TNXB: variants seen among roughly 807,000 people sequenced by gnomAD.
TNXB encodes tenascin XB, also known as tenascin-X.
TNXB carries 183 observed loss-of-function variants against 340.5 expected under a neutral mutation model. The ratio of observed to expected loss-of-function variants is 0.54; its 90% CI spans 0.48 to 0.61. The LOEUF is 0.61. TNXB is among the 20% of genes least tolerant of loss of function. The probability of loss-of-function intolerance (pLI) is 0.00; values close to 1 mark genes in which losing one functional copy is unlikely to be tolerated. For missense variants in TNXB, 4,613 were observed against 5,446.4 expected (o/e 0.85, Z 4.82); for synonymous variants, 2,121 against 2,314.5 (o/e 0.92, Z 2.40).
At position 32,049,974 on chromosome 6, in the gene TNXB, C is replaced by T. The variant is rs1225965451; in HGVS notation, c.9439+24G>A. ...AGGTGGCCCTCCCACAGCTCCCACC[C>T]TGGGGCTCCCATCATTCACTCACCC... is the stretch of plus-strand genomic sequence containing the variant. On this transcript the variant is annotated intron_variant, in intron 27 of 43. Coordinates refer to ENST00000644971, the MANE Select transcript of TNXB (RefSeq NM_001365276.2). This position sits in a 1 kb window ranked among gnomAD's most constrained non-coding sequence, Gnocchi z 4.5. 1 of 1,612,390 alleles carries T rather than the reference C, an allele frequency of 6.2e-7. No individual in the cohort carries two copies. The highest frequency in any genetic ancestry group is 2.2e-5 in the East Asian group (1 of 44,854).
At position 32,062,375 on chromosome 6, in the gene TNXB, T is replaced by G; in HGVS notation, c.6950A>C (p.Asp2317Ala). 6.2e-7 allele frequency: 1 copy of G among 1,612,872 alleles called. No individual in the cohort carries two copies. The highest frequency in any genetic ancestry group is 1.1e-5 in the South Asian group (1 of 91,058). The change falls in exon 20 of 44, where the codon GAC (aspartate) becomes GCC (alanine). Residue 2317 changes from aspartate to alanine, a missense_variant. By Grantham distance (126) the Asp-to-Ala change is moderately radical (BLOSUM62 -2). Around this residue, in one of 7 missense-constraint regions of TNXB, gnomAD observed 4,327 missense variants for 4,859.4 expected, o/e 0.89. Coordinates refer to ENST00000644971, the MANE Select transcript of TNXB (RefSeq NM_001365276.2). This position sits in a 1 kb window ranked among gnomAD's most constrained non-coding sequence, Gnocchi z 4.3. The stretch of plus-strand genomic sequence containing the variant: ...AACCGTCCAGGACAGGCTGAGGGAG[T>G]CAGGGGTCGCATCTGTCACGGTCAG... ...EELTVTDATP[D>A]SLSLSWTVPE...
chr6:32,105,107 C>T (rs1384703158), intron 1 of TNXB, among the ~76,000 whole-genome samples: 2 of 152,090 alleles, frequency 1.3e-5, no homozygotes, highest in African/African-American at 4.8e-5. Flanking sequence ...CATAACATTT[C>T]CCTCCCTCCC....
Position 32,098,066 on chromosome 6 carries a change from C to T in TNXB, c.133G>A (p.Gly45Ser). ...CCCACTCCAGCCCCCACTGTGTGGC[C>T]CCCTGGCTGGGGAGGGGGCCGGGGG... Reference protein sequence around the residue: ...PAPRPPPQPGGHTVGAGVGSP... With the variant: ...PAPRPPPQPGSHTVGAGVGSP... The change falls in exon 2 of 44, where the codon GGC (glycine) becomes AGC (serine). Residue 45 changes from glycine (G) to serine (S), a missense_variant. Around this residue, in one of 7 missense-constraint regions of TNXB, gnomAD observed 4,327 missense variants for 4,859.4 expected, o/e 0.89. Coordinates refer to ENST00000644971, the MANE Select transcript of TNXB (RefSeq NM_001365276.2). The T allele has an allele frequency of 6.2e-7, 1 of 1,606,418 alleles. No homozygotes were observed. The highest frequency in any genetic ancestry group is 1.1e-5 in the South Asian group (1 of 89,484).
In TNXB at chr6:32,048,551, T is replaced by G. The variant is rs1441976107; in HGVS notation, c.9857A>C (p.Gln3286Pro). Residue 3286 changes from glutamine (Q) to proline (P), a missense_variant, in exon 29 of 44, where the codon CAG becomes CCG. Gln to Pro is a moderately conservative substitution (Grantham distance 76). Around this residue, in one of 7 missense-constraint regions of TNXB, gnomAD observed 4,327 missense variants for 4,859.4 expected, o/e 0.89. Transcript: ENST00000644971. ...DSVGLSWTVA[Q>P]GPFDSFLVQY... ...TACCAGGAAGGAGTCAAAGGGGCCC[T>G]GGGCCACCGTCCATGAGAGGCCCAC... is the stretch of plus-strand genomic sequence containing the variant. 6.3e-7 allele frequency: 1 copy of G among 1,587,538 alleles called. No individual in the cohort carries two copies. Among genetic ancestry groups the G allele is most frequent in the South Asian group, 1.1e-5 (1 of 87,398 alleles).
In TNXB at chr6:32,053,692, C is replaced by T. The variant is rs777977804; in HGVS notation, c.8487G>A (p.Glu2829=). The T allele has an allele frequency of 3.0e-5, 48 of 1,612,490 alleles. 1 individual carries two copies. In the South Asian group the frequency reaches 4.6e-4, roughly 15 times the overall value. ...VGVTAPEDEA[E]TTQAVPTTTP... ...TTGTGGTGGGCACTGCTTGGGTGGT[C>T]TCTGCTTCATCCTCTGGAGCTGGAC... Residue 2829 remains glutamate (E), a synonymous_variant, in exon 25 of 44, where the codon GAG becomes GAA. Coordinates refer to ENST00000644971, the MANE Select transcript of TNXB (RefSeq NM_001365276.2).
In TNXB at chr6:32,062,565, C is replaced by T. The variant is rs1778098267; in HGVS notation, c.6842-82G>A. ...GACTCTGGGATTCTCTTAGACACAC[C>T]AAGGGCCCACAGTCTGGATGCTGGT... On this transcript the variant is annotated intron_variant, in intron 19 of 43. Coordinates refer to ENST00000644971, the MANE Select transcript of TNXB (RefSeq NM_001365276.2). The surrounding 1 kb of genome is among the most constrained non-coding windows in gnomAD (Gnocchi z 4.3). The T allele has an allele frequency of 1.5e-6, 2 of 1,316,914 alleles. No individual in the cohort carries two copies. Among genetic ancestry groups the T allele is most frequent in the Non-Finnish European group, 2.1e-6 (2 of 973,812 alleles). 81.6% of individuals were successfully genotyped at this position (1,316,914 alleles called of 1,614,324 possible).
Position 32,082,395 on chromosome 6 carries a change from T to TCCC in TNXB, c.3446-70_3446-69insGGG, listed in dbSNP as rs1562854070. On this transcript the variant is annotated intron_variant, in intron 8 of 43. Coordinates refer to ENST00000644971, the MANE Select transcript of TNXB (RefSeq NM_001365276.2). This position sits in a 1 kb window ranked among gnomAD's most constrained non-coding sequence, Gnocchi z 5.0. ...GAGAATGGGGAAGCCAAATCCCACA[T>TCCC]AGGAATGCTGTGTGAGGCTGTGCAG... 6 of 1,443,170 alleles carry TCCC rather than the reference T, an allele frequency of 4.2e-6. No individual in the cohort carries two copies. In the African/African-American group the frequency reaches 4.2e-5, roughly 10 times the overall value. The allele number at this position is 1,443,170 out of a possible 1,614,324, so 89.4% of individuals were successfully genotyped here. A position where few individuals can be genotyped will look rare whatever the true frequency, so the allele number is the denominator to read the frequency against.
At position 32,058,132 on chromosome 6, in the gene TNXB, C is replaced by T. The variant is rs747625465; in HGVS notation, c.7751G>A (p.Arg2584His). 32 of 1,612,582 alleles carry T rather than the reference C, an allele frequency of 2.0e-5. No individual in the cohort carries two copies. Among genetic ancestry groups the T allele is most frequent in the South Asian group, 6.6e-5 (6 of 91,064 alleles). Reference sequence around the variant, plus strand: ...GCCGTACAGGTGCATCTTGTACTTGCGCCCAGGCTCCAGGCCCCTCACAGT... The same window carrying T: ...GCCGTACAGGTGCATCTTGTACTTGTGCCCAGGCTCCAGGCCCCTCACAGT... Reference protein sequence around the residue: ...KVTVRGLEPGRKYKMHLYGLH... With the variant: ...KVTVRGLEPGHKYKMHLYGLH... Residue 2584 changes from arginine to histidine, a missense_variant, in exon 22 of 44, where the codon CGC becomes CAC. Physicochemically the swap from Arg to His is conservative, Grantham distance 29. Coordinates refer to ENST00000644971, the MANE Select transcript of TNXB (RefSeq NM_001365276.2). This position sits in a 1 kb window ranked among gnomAD's most constrained non-coding sequence, Gnocchi z 5.1.
In TNXB at chr6:32,108,574, G is replaced by C. The variant is rs1781091290; in HGVS notation, c.-9+607C>G. Among the ~76,000 whole-genome samples, 2 of 152,070 alleles carry C rather than the reference G, an allele frequency of 1.3e-5. No homozygotes were observed. Among genetic ancestry groups the C allele is most frequent in the African/African-American group, 2.4e-5 (1 of 41,384 alleles). On this transcript the variant is annotated intron_variant, in intron 1 of 43. Coordinates refer to ENST00000644971, the MANE Select transcript of TNXB (RefSeq NM_001365276.2). This position sits in a 1 kb window ranked among gnomAD's most constrained non-coding sequence, Gnocchi z 4.8. ...GGCTCTGTGCACGTCCCAGACCCGA[G>C]TCCTGACTGTCCCATTTCAGTATTT... is the stretch of plus-strand genomic sequence containing the variant.
chr6:32,081,484 C>G lies in TNXB; in HGVS notation c.3926G>C (p.Gly1309Ala). The G allele has an allele frequency of 6.2e-7, 1 of 1,604,816 alleles. No individual in the cohort carries two copies. The highest frequency in any genetic ancestry group is 8.5e-7 in the Non-Finnish European group (1 of 1,175,800). Residue 1309 changes from glycine to alanine, a missense_variant, in exon 10 of 44, where the codon GGG (glycine) becomes GCG (alanine). This residue lies in a region of TNXB where 4,327 missense variants were observed against 4,859.4 expected (regional missense o/e 0.89). Coordinates refer to ENST00000644971, the MANE Select transcript of TNXB (RefSeq NM_001365276.2). The surrounding 1 kb of genome is among the most constrained non-coding windows in gnomAD (Gnocchi z 5.1). The stretch of plus-strand genomic sequence containing the variant: ...GGGGACAGTAACCTCATTCTCATCC[C>G]CCGCAACAGGCACTGCCTGGGGCTG... The part of the protein sequence containing the change: ...QGQPQAVPVA[G>A]DENEVTVPGL...
rs775661639 is a variant in TNXB at position 32,090,096 on chromosome 6, C to G, written c.2359-717G>C. ...GGTTGTAGGCTCCTCAAAACAAGAA[C>G]CACCTGCTCAAAGTTCCACAAATAT... On this transcript the variant is annotated intron_variant, in intron 4 of 43. Transcript: ENST00000644971. This position sits in a 1 kb window ranked among gnomAD's most constrained non-coding sequence, Gnocchi z 4.3. Among the ~76,000 whole-genome samples the G allele has an allele frequency of 6.6e-6, 1 of 152,198 alleles. No individual in the cohort carries two copies. Among genetic ancestry groups the G allele is most frequent in the Non-Finnish European group, 1.5e-5 (1 of 68,040 alleles).
chr6:32,047,420 G>A lies in TNXB; in HGVS notation c.10324+314C>T, dbSNP rs1776962676. On this transcript the variant is annotated intron_variant, in intron 30 of 43. Transcript: ENST00000644971. This position sits in a 1 kb window ranked among gnomAD's most constrained non-coding sequence, Gnocchi z 6.2. ...CAGCGCCATTCCCAGCATTATGCAG[G>A]TGAGGACACTGAGGTCCCGGGGATG... Among the ~76,000 whole-genome samples, 1 of 152,232 alleles carries A rather than the reference G, an allele frequency of 6.6e-6. No individual in the cohort carries two copies. The highest frequency in any genetic ancestry group is 1.5e-5 in the Non-Finnish European group (1 of 68,046).
chr6:32,095,842 C>T lies in TNXB; in HGVS notation c.2011G>A (p.Val671Met), dbSNP rs1277196845. The stretch of plus-strand genomic sequence containing the variant: ...CCGCAGTCCTCACCGCCATAGCCCA[C>T]GTGGCACAGGCACACTCCTTGCACA... ...RCVQGVCLCH[V>M]GYGGEDCGQE... Residue 671 changes from valine to methionine, a missense_variant, in exon 3 of 44, where the codon GTG becomes ATG. By Grantham distance (21) the Val-to-Met change is conservative. Coordinates refer to ENST00000644971, the MANE Select transcript of TNXB (RefSeq NM_001365276.2). The T allele has an allele frequency of 6.2e-7, 1 of 1,612,512 alleles. No individual in the cohort carries two copies.
Position 32,097,463 on chromosome 6 carries a change from G to C in TNXB, c.404-14C>G, listed in dbSNP as rs1780480219. On this transcript the variant is annotated splice_polypyrimidine_tract_variant and intron_variant, in intron 2 of 43. Transcript: ENST00000644971. The surrounding 1 kb of genome is among the most constrained non-coding windows in gnomAD (Gnocchi z 5.9). ...CATCTGTCTGACCTGGAGTAGGAGGGGAGAGGCAAGTCTCAGTCTCTCTCC... is the reference window on the plus strand; with the variant it reads ...CATCTGTCTGACCTGGAGTAGGAGGCGAGAGGCAAGTCTCAGTCTCTCTCC... The C allele has an allele frequency of 1.3e-6, 2 of 1,579,416 alleles. No homozygotes were observed. Among genetic ancestry groups the C allele is most frequent in the Non-Finnish European group, 1.7e-6 (2 of 1,165,630 alleles).
Position 32,043,560 on chromosome 6 carries a change from G to A in TNXB, c.11531-4C>T. ...AACTGTGTGGGACCGTCAGGAACTG[G>A]GGGAAGGGGAGGGGCTCAGAAGGGT... On this transcript the variant is annotated splice_region_variant and splice_polypyrimidine_tract_variant and intron_variant, in intron 35 of 43. Coordinates refer to ENST00000644971, the MANE Select transcript of TNXB (RefSeq NM_001365276.2). The A allele has an allele frequency of 9.5e-7, 1 of 1,047,850 alleles. No individual in the cohort carries two copies. The highest frequency in any genetic ancestry group is 1.4e-6 in the Non-Finnish European group (1 of 699,302). The allele number at this position is 1,047,850 out of a possible 1,614,324, so 64.9% of individuals were successfully genotyped here.
chr6:32,081,756 G>C lies in TNXB; in HGVS notation c.3737-83C>G. On this transcript the variant is annotated intron_variant, in intron 9 of 43. Transcript: ENST00000644971. The surrounding 1 kb of genome is among the most constrained non-coding windows in gnomAD (Gnocchi z 5.1). ...GGTTTCGACGGGATGTCACACCTATGGGGGGTGGGGGGTCACTAGTCCATT... is the reference window on the plus strand; with the variant it reads ...GGTTTCGACGGGATGTCACACCTATCGGGGGTGGGGGGTCACTAGTCCATT... The C allele has an allele frequency of 1.2e-6, 1 of 829,482 alleles. No individual in the cohort carries two copies. The highest frequency in any genetic ancestry group is 2.6e-5 in the Admixed American group (1 of 39,012). 51.4% of individuals were successfully genotyped at this position (829,482 alleles called of 1,614,324 possible). A position where few individuals can be genotyped will look rare whatever the true frequency, so the allele number is the denominator to read the frequency against.
At chr6:32,071,777 G>C (rs560058821) in intron 13 of TNXB, among the ~76,000 whole-genome samples, 4 of 152,232 alleles carry the variant, frequency 2.6e-5, no homozygotes, top group Middle Eastern at 3.4e-3. Flanking sequence ...GTAGAGACAG[G>C]GTTTTGCCAT....
In TNXB at chr6:32,087,293, C is replaced by T. The variant is rs779245662; in HGVS notation, c.2780-1175G>A. ...GCGTAGGACTTGGAGGTCTGCCCCGCCCGCACCCCGTGGACCTCCACGTGG... is the reference window on the plus strand; with the variant it reads ...GCGTAGGACTTGGAGGTCTGCCCCGTCCGCACCCCGTGGACCTCCACGTGG... On this transcript the variant is annotated intron_variant, in intron 6 of 43. Transcript: ENST00000644971. This position sits in a 1 kb window ranked among gnomAD's most constrained non-coding sequence, Gnocchi z 9.0. 7 of 501,312 alleles carry T rather than the reference C, an allele frequency of 1.4e-5. No homozygotes were observed. Among genetic ancestry groups the T allele is most frequent in the Non-Finnish European group, 2.4e-5 (6 of 251,862 alleles). 31.1% of individuals were successfully genotyped at this position (501,312 alleles called of 1,614,324 possible). A position where few individuals can be genotyped will look rare whatever the true frequency, so the allele number is the denominator to read the frequency against.
chr6:32,046,372 G>A lies in TNXB; in HGVS notation c.10409C>T (p.Thr3470Met), dbSNP rs757929354. 5.8e-5 allele frequency: 92 copies of A among 1,599,008 alleles called. No individual in the cohort carries two copies. The highest frequency in any genetic ancestry group is 7.0e-5 in the Non-Finnish European group (82 of 1,172,444). The change falls in exon 31 of 44, where the codon ACG becomes ATG. Residue 3470 changes from threonine (T) to methionine (M), a missense_variant. Physicochemically the swap from Thr to Met is moderately conservative, Grantham distance 81. This residue lies in a region of TNXB where 4,327 missense variants were observed against 4,859.4 expected (regional missense o/e 0.89). Transcript: ENST00000644971. The surrounding 1 kb of genome is among the most constrained non-coding windows in gnomAD (Gnocchi z 6.9). ...GGAGTCAAAGGGGCCCTGGGCTACC[G>A]TCCAGGACAGGCGCAGAGAGCTGGA... ...ETSSSLRLSW[T>M]VAQGPFDSFV...
Sources: allele counts gnomAD v4.1 joint callset (sites outside exome capture counted in the v4.1 genomes callset), GRCh38; gene constraint gnomAD v4.1.1; regional missense constraint gnomAD v4.1.1; non-coding constraint Gnocchi (gnomAD v3.1); transcripts MANE v1.5; gene names NCBI Gene and HGNC (gene_info 2026-07-23, HGNC 2026-07-21).